The following RGPD2 variants were observed in gnomAD, a reference collection of about 807,000 sequenced individuals.
RGPD2 encodes the protein RANBP2 like and GRIP domain containing 2.
Under a neutral mutation model 36.0 loss-of-function variants are expected in RGPD2, and 2 were observed. The ratio of observed to expected loss-of-function variants is 0.06; its 90% CI spans 0.02 to 0.17. The LOEUF (loss-of-function observed/expected upper bound fraction) is 0.17. Ranked by LOEUF, RGPD2 falls within the 10% of genes least tolerant of loss-of-function variation. The pLI is 1.00. For synonymous variants in RGPD2, 19 were observed against 163.8 expected (o/e 0.12, Z 6.75); for missense variants, 40 against 464.3 (o/e 0.09, Z 8.40).
chr2:87,839,821 C>G, the RGPD2 span, among the ~76,000 whole-genome samples: 1 of 151,748 alleles, frequency 6.6e-6, no homozygotes, highest in South Asian at 2.1e-4. Context: ...CTACTGGGTA[C>G]TAGGATTATT....
At chr2:87,831,819 T>C in the RGPD2 span, among the ~76,000 whole-genome samples, 3 of 151,812 alleles carry the variant, frequency 2.0e-5, no homozygotes, top group African/African-American at 7.2e-5. Flanking sequence ...AACTGCTAAG[T>C]GAATTTCTCA....
the RGPD2 span, among the ~76,000 whole-genome samples, chr2:87,846,403 T>TATTTATAC: frequency 6.6e-6 from 1 of 152,118 alleles, no homozygotes; most frequent in Non-Finnish European, 1.5e-5. Flanking sequence ...ACAATTAGAT[T>TATTTATAC]ATTTATACAT....
the RGPD2 span, among the ~76,000 whole-genome samples, chr2:87,872,826 C>T: frequency 6.6e-6 from 1 of 151,582 alleles, no homozygotes; most frequent in Non-Finnish European, 1.5e-5. Context: ...TTGGTGCAAT[C>T]TCAGCTCACT....
At chr2:87,983,210 C>T in the RGPD2 span, among the ~76,000 whole-genome samples, 2 of 152,294 alleles carry the variant, frequency 1.3e-5, no homozygotes, top group Admixed American at 6.5e-5. Context: ...ATCCCAGCTA[C>T]TCGGGAGGCT....
At chr2:87,877,489 G>C in the RGPD2 span, among the ~76,000 whole-genome samples, 1 of 152,050 alleles carries the variant, frequency 6.6e-6, no homozygotes, top group Non-Finnish European at 1.5e-5. Flanking sequence ...ACAAAATTCT[G>C]GGTTGAAAAT....
the RGPD2 span, among the ~76,000 whole-genome samples, chr2:87,855,033 G>A: frequency 1.3e-5 from 2 of 152,204 alleles, no homozygotes; most frequent in East Asian, 1.9e-4. Context: ...TGTATAAGGA[G>A]GTGAGGAAAC....
At chr2:87,809,636 G>T (rs1224911556) in intron 6 of RGPD2, among the ~76,000 whole-genome samples, 3 of 143,884 alleles carry the variant, frequency 2.1e-5, no homozygotes, top group Non-Finnish European at 4.6e-5. Flanking sequence ...CATGAGTCCT[G>T]ATTAACTGAT....
chr2:87,871,865 C>CAA, the RGPD2 span, among the ~76,000 whole-genome samples: 380 of 132,874 alleles, frequency 2.9e-3, no homozygotes, highest in African/African-American at 7.6e-3. Flanking sequence ...AACTCTGTCT[C>CAA]AAAAAAAAAA....
the RGPD2 span, among the ~76,000 whole-genome samples, chr2:87,970,509 A>T: frequency 2.0e-5 from 3 of 150,498 alleles, no homozygotes; most frequent in South Asian, 6.4e-4. Flanking sequence ...ATAATGTCCT[A>T]CTCTTAAAAT....
chr2:87,844,534 T>C, the RGPD2 span, among the ~76,000 whole-genome samples: 1 of 148,390 alleles, frequency 6.7e-6, no homozygotes, highest in African/African-American at 2.4e-5. Context: ...TTCTTGTTTT[T>C]ACTTTTTAAA....
chr2:87,878,748 C>G, the RGPD2 span, among the ~76,000 whole-genome samples: 1 of 152,182 alleles, frequency 6.6e-6, no homozygotes, highest in Non-Finnish European at 1.5e-5. Context: ...ACGCTTACCC[C>G]CACAGCCTCT....
chr2:87,879,578 T>G, the RGPD2 span, among the ~76,000 whole-genome samples: 7 of 100,816 alleles, frequency 6.9e-5, no homozygotes, highest in African/African-American at 3.0e-4. Flanking sequence ...AAGTTTGTGT[T>G]TTCATTCCTG....
chr2:87,843,822 A>G, the RGPD2 span, among the ~76,000 whole-genome samples: 1 of 151,932 alleles, frequency 6.6e-6, no homozygotes, highest in Admixed American at 6.6e-5. Flanking sequence ...CAAATGTCCA[A>G]CAATGATAGA....
chr2:87,878,300 C>T, the RGPD2 span, among the ~76,000 whole-genome samples: 1 of 135,628 alleles, frequency 7.4e-6, no homozygotes, highest in Admixed American at 7.1e-5. Flanking sequence ...AGATTCTTTC[C>T]TTTGCTTGGC....
intron 22 of RGPD2, among the ~76,000 whole-genome samples, chr2:87,769,465 TC>T (rs1469412245): frequency 6.7e-6 from 1 of 149,222 alleles, no homozygotes; most frequent in Non-Finnish European, 1.5e-5. Context: ...ATCTTAGAGT[TC>T]TGGGTTTCTA....
chr2:87,963,777 T>C, the RGPD2 span, among the ~76,000 whole-genome samples: 2 of 130,892 alleles, frequency 1.5e-5, no homozygotes, highest in African/African-American at 3.2e-5. Context: ...TTAATTCATT[T>C]ATGCTGAATA....
chr2:87,863,880 C>G, the RGPD2 span, among the ~76,000 whole-genome samples: 1 of 152,042 alleles, frequency 6.6e-6, no homozygotes, highest in Non-Finnish European at 1.5e-5. Context: ...GAGTAAACAT[C>G]ACTCATTTAC....
the RGPD2 span, among the ~76,000 whole-genome samples, chr2:87,978,654 G>C: frequency 1.5e-5 from 1 of 64,580 alleles, no homozygotes; most frequent in African/African-American, 4.6e-5. Context: ...ATTCATGCCT[G>C]TAATCGAAGC....
the RGPD2 span, among the ~76,000 whole-genome samples, chr2:87,864,576 TGATAGATAGATAGATAGATAGATA>T: frequency 6.6e-6 from 1 of 151,296 alleles, no homozygotes; most frequent in Non-Finnish European, 1.5e-5. Flanking sequence ...CATAGATAGA[TGATAGATAGATAGATAGATAGATA>T]GATAGATAGA....
Sources: gnomAD v4.1 joint callset for allele counts (sites outside exome capture counted in the v4.1 genomes callset) on GRCh38, gnomAD v4.1.1 for gene constraint, MANE v1.5 for transcripts, NCBI Gene and HGNC (gene_info 2026-07-23, HGNC 2026-07-21) for gene names.